The following NME7 variants were observed in gnomAD, a reference collection of about 807,000 sequenced individuals.
NME7 encodes NME/NM23 family member 7.
A neutral mutation model predicts 49.1 loss-of-function variants in NME7; 41 were observed. That is an observed-to-expected ratio of 0.83 (90% CI 0.65 to 1.08). The LOEUF (loss-of-function observed/expected upper bound fraction) is 1.08, where lower values mean the gene tolerates loss of function less well. Among genes scored for constraint, NME7 ranks in the 50% least tolerant of loss-of-function variants. The pLI is 0.00. For synonymous variants in NME7, 139 were observed against 150.6 expected, an observed-to-expected ratio of 0.92 and a Z score of 0.56; for missense variants, 423 against 463.4, an observed-to-expected ratio of 0.91 and a Z score of 0.80.
chr1:169,249,876 T>C (rs1184687756), intron 7 of NME7, among the ~76,000 whole-genome samples: 1 of 151,976 alleles, frequency 6.6e-6, no homozygotes, highest in African/African-American at 2.4e-5. Flanking sequence ...TTGAATTAGC[T>C]AGTATTTTGT....
chr1:169,359,155 T>C (rs1414617526), intron 1 of NME7, among the ~76,000 whole-genome samples: 1 of 152,172 alleles, frequency 6.6e-6, no homozygotes, highest in Non-Finnish European at 1.5e-5. Context: ...ATATAACCTA[T>C]GCATATCCTC....
At chr1:169,337,361 G>A (rs919509670) in intron 1 of NME7, among the ~76,000 whole-genome samples, 1 of 152,180 alleles carries the variant, frequency 6.6e-6, no homozygotes, top group Admixed American at 6.5e-5. Context: ...AGGGCTGGCC[G>A]ACTGCTCCCA....
At chr1:169,146,667 G>A (rs1658764261) in intron 11 of NME7, among the ~76,000 whole-genome samples, 1 of 152,096 alleles carries the variant, frequency 6.6e-6, no homozygotes, top group African/African-American at 2.4e-5. Flanking sequence ...TCAGCTCTAG[G>A]TCTGCCTTAC....
chr1:169,276,091 G>A lies in NME7; in HGVS notation c.754+11212C>T, dbSNP rs189712350. Reference sequence around the variant, plus strand: ...TGTGCTTGCTGGATTCAGTTTGCCAGTATTTTATTGAGGATTTTTGCATCA... The same window carrying A: ...TGTGCTTGCTGGATTCAGTTTGCCAATATTTTATTGAGGATTTTTGCATCA... On this transcript the variant is annotated intron_variant, in intron 7 of 11. Transcript: ENST00000367811. Among the ~76,000 whole-genome samples, 183 of 134,306 alleles carry A rather than the reference G, an allele frequency of 1.4e-3. 18 individuals carry two copies. The highest frequency in any genetic ancestry group is 4.4e-3 in the African/African-American group (174 of 39,734). 88.1% of individuals were successfully genotyped at this position (134,306 alleles called of 152,430 possible).
rs570098656 is a variant in NME7, at chr1:169,275,094, C to G, written c.754+12209G>C. 2.5e-3 allele frequency among the ~76,000 whole-genome samples: 328 copies of G among 132,860 alleles called. 39 individuals carry two copies. The highest frequency in any genetic ancestry group is 8.1e-3 in the African/African-American group (319 of 39,376). 87.2% of individuals were successfully genotyped at this position (132,860 alleles called of 152,430 possible). A position where few individuals can be genotyped will look rare whatever the true frequency, so the allele number is the denominator to read the frequency against. The stretch of plus-strand genomic sequence containing the variant: ...TTTCACGATATTGATTCTTCCCACC[C>G]ATGAGCATGGAATGTTCTTCCACTT... On this transcript the variant is annotated intron_variant, in intron 7 of 11. Coordinates refer to ENST00000367811, the MANE Select transcript of NME7 (RefSeq NM_013330.5).
intron 10 of NME7, among the ~76,000 whole-genome samples, chr1:169,208,153 A>G (rs566949758): frequency 6.6e-6 from 1 of 152,228 alleles, no homozygotes; most frequent in East Asian, 1.9e-4. Flanking sequence ...ATCTTATTTG[A>G]TCGTAAATTT....
intron 7 of NME7, among the ~76,000 whole-genome samples, chr1:169,245,402 T>C (rs1251261873): frequency 6.6e-6 from 1 of 152,196 alleles, no homozygotes; most frequent in Non-Finnish European, 1.5e-5. Context: ...ACCAGGCTGT[T>C]GTACAAGATA....
rs2101844214 is a variant in NME7, at chr1:169,169,655, TTA to T, written c.991-103_991-102del. The T allele has an allele frequency of 3.8e-6, 4 of 1,048,502 alleles. No individual in the cohort carries two copies. The South Asian group carries it at 5.6e-5, about 15-fold the overall frequency. The allele number at this position is 1,048,502 out of a possible 1,614,324, so 64.9% of individuals were successfully genotyped here. ...CGCTAACTTATTTATGAAATACATG[TTA>T]TATATAGACAGTGCTTATAAGGGTT... On this transcript the variant is annotated intron_variant, in intron 10 of 11. Transcript: ENST00000367811.
At chr1:169,329,035 A>G (rs1652165515) in intron 1 of NME7, among the ~76,000 whole-genome samples, 1 of 152,198 alleles carries the variant, frequency 6.6e-6, no homozygotes, top group African/African-American at 2.4e-5. Context: ...AACTTACCAA[A>G]TAAACCAAAT....
At chr1:169,165,791 G>C (rs552691756) in intron 11 of NME7, among the ~76,000 whole-genome samples, 1 of 152,108 alleles carries the variant, frequency 6.6e-6, no homozygotes, top group Non-Finnish European at 1.5e-5. Context: ...TAATTGATAA[G>C]GGCATCCTTG....
intron 7 of NME7, among the ~76,000 whole-genome samples, chr1:169,281,937 T>C (rs971202502): frequency 3.3e-5 from 5 of 152,206 alleles, no homozygotes; most frequent in African/African-American, 1.2e-4. Flanking sequence ...TTCCAGGTTT[T>C]GGTATCAGGA....
chr1:169,221,686 T>C (rs566236849), intron 10 of NME7, among the ~76,000 whole-genome samples: 2 of 151,642 alleles, frequency 1.3e-5, no homozygotes, highest in Non-Finnish European at 2.9e-5. Flanking sequence ...AATATATTTA[T>C]ATATATTTAT....
chr1:169,211,859 G>A (rs541841824), intron 10 of NME7, among the ~76,000 whole-genome samples: 4 of 152,210 alleles, frequency 2.6e-5, no homozygotes, highest in South Asian at 2.1e-4. Flanking sequence ...AAAGATTGCC[G>A]TTGATTCAAT....
chr1:169,328,063 G>A (rs987315967), intron 1 of NME7, among the ~76,000 whole-genome samples: 3 of 152,048 alleles, frequency 2.0e-5, no homozygotes, highest in Non-Finnish European at 2.9e-5. Flanking sequence ...TGAGTGCAAC[G>A]AGCACACCAA....
At chr1:169,237,467 A>ATT (rs1165011745) in intron 8 of NME7, among the ~76,000 whole-genome samples, 156 bp downstream of exon 8, 1 of 152,092 alleles carries the variant, frequency 6.6e-6, no homozygotes, top group African/African-American at 2.4e-5. Context: ...TTCAAAAACC[A>ATT]TTTTTTGACT....
intron 10 of NME7, among the ~76,000 whole-genome samples, chr1:169,174,633 C>G (rs1395339120): frequency 6.6e-6 from 1 of 152,140 alleles, no homozygotes; most frequent in African/African-American, 2.4e-5. Flanking sequence ...TAATTTGCTA[C>G]TAGGCTATAA....
At chr1:169,243,953 C>A (rs1354512966) in intron 7 of NME7, among the ~76,000 whole-genome samples, 1 of 151,914 alleles carries the variant, frequency 6.6e-6, no homozygotes, top group Non-Finnish European at 1.5e-5. Context: ...GTTTTGCTTG[C>A]CCCAGAGCCT....
chr1:169,242,010 A>G lies in NME7; in HGVS notation c.755-4323T>C, dbSNP rs532302949. Among the ~76,000 whole-genome samples the G allele has an allele frequency of 1.1e-4, 16 of 152,126 alleles. No homozygotes were observed. In the South Asian group the frequency reaches 3.3e-3, roughly 32 times the overall value. On this transcript the variant is annotated intron_variant, in intron 7 of 11. Coordinates refer to ENST00000367811, the MANE Select transcript of NME7 (RefSeq NM_013330.5). ...TACTATGTTGACTAGCCTGGTCTTGAACTCCTAGGCTCAAACAATATTCCT... is the reference window on the plus strand; with the variant it reads ...TACTATGTTGACTAGCCTGGTCTTGGACTCCTAGGCTCAAACAATATTCCT...
rs181833872 is a variant in NME7, at chr1:169,291,908, A to C, written c.649-4500T>G. Among the ~76,000 whole-genome samples the C allele has an allele frequency of 1.7e-3, 252 of 152,176 alleles. 1 individual carries two copies. The highest frequency in any genetic ancestry group is 2.1e-3 in the Non-Finnish European group (144 of 67,996). ...ATAAACATAACTTTTATATACCAGGAAACTAAAAAATTCATGGGACTCCCT... is the reference window on the plus strand; with the variant it reads ...ATAAACATAACTTTTATATACCAGGCAACTAAAAAATTCATGGGACTCCCT... On this transcript the variant is annotated intron_variant, in intron 6 of 11. Transcript: ENST00000367811.
Sources: gnomAD v4.1 joint callset for allele counts (sites outside exome capture counted in the v4.1 genomes callset) on GRCh38, gnomAD v4.1.1 for gene constraint, MANE v1.5 for transcripts, NCBI Gene and HGNC (gene_info 2026-07-23, HGNC 2026-07-21) for gene names.